Variants in ZFP57 observed in about 807,000 individuals in gnomAD.
The protein encoded by ZFP57 is ZFP57 zinc finger protein, also known as zinc finger protein 57 homolog.
ZFP57 carries 12 observed loss-of-function variants against 15.8 expected under a neutral mutation model. That is an observed-to-expected ratio of 0.76 (90% confidence interval 0.49 to 1.23). ZFP57 has a LOEUF of 1.23. Ranked by LOEUF, ZFP57 falls within the 50% of genes most tolerant of loss-of-function variation. The probability of loss-of-function intolerance (pLI) is 0.00; values close to 1 mark genes in which losing one functional copy is unlikely to be tolerated. For missense variants in ZFP57, 536 were observed against 654.9 expected, an observed-to-expected ratio of 0.82 and a Z score of 1.98; for synonymous variants, 203 against 242.3, an observed-to-expected ratio of 0.84 and a Z score of 1.51.
In ZFP57 at chr6:29,676,063, GA is replaced by G; in HGVS notation, c.124-5del. ...CATCCTCAAAGGTGACTGGCTTCTGGAAGAACAGGAGAGACTCAAGAAGTTT... is the reference window on the plus strand; with the variant it reads ...CATCCTCAAAGGTGACTGGCTTCTGGAGAACAGGAGAGACTCAAGAAGTTT... On this transcript the variant is annotated splice_polypyrimidine_tract_variant and splice_region_variant and intron_variant, in intron 2 of 4. Transcript: ENST00000376883. The G allele has an allele frequency of 6.3e-7, 1 of 1,598,534 alleles. No homozygotes were observed. Among genetic ancestry groups the G allele is most frequent in the Non-Finnish European group, 8.5e-7 (1 of 1,173,766 alleles).
chr6:29,675,374 G>A lies in ZFP57; in HGVS notation c.352+12C>T. 6.2e-7 allele frequency: 1 copy of A among 1,600,860 alleles called. No individual in the cohort carries two copies. The highest frequency in any genetic ancestry group is 8.6e-7 in the Non-Finnish European group (1 of 1,168,032). On this transcript the variant is annotated intron_variant, in intron 4 of 4. Transcript: ENST00000376883. Reference sequence around the variant, plus strand: ...GCCCTTTTCCCCTTCCTCCCTGCTTGGCAATTCTTACCTGAAAGGCCTTCT... The same window carrying A: ...GCCCTTTTCCCCTTCCTCCCTGCTTAGCAATTCTTACCTGAAAGGCCTTCT...
chr6:29,677,768 T>TACATACACACACACACACACACAC lies in ZFP57; in HGVS notation c.-363-403_-363-402insGTGTGTGTGTGTGTGTGTGTATGT, dbSNP rs71550149. ...AAGATCTCTTCCATGACCAAAATTA[T>TACATACACACACACACACACACAC]ACACACACACACACACACACACACA... On this transcript the variant is annotated intron_variant, in intron 1 of 4. Coordinates refer to ENST00000376883, the MANE Select transcript of ZFP57 (RefSeq NM_001109809.5). 1.1e-4 allele frequency among the ~76,000 whole-genome samples: 17 copies of TACATACACACACACACACACACAC among 149,632 alleles called. No individual in the cohort carries two copies. The South Asian group carries it at 1.9e-3, about 17-fold the overall frequency.
At chr6:29,674,675 T>C (rs760727046) in intron 4 of ZFP57, among the ~76,000 whole-genome samples, 10 of 152,156 alleles carry the variant, frequency 6.6e-5, no homozygotes, top group Non-Finnish European at 1.3e-4. Context: ...TTGATATCTC[T>C]CTCAACTATT....
Position 29,673,445 on chromosome 6 carries a change from T to C in ZFP57, c.666A>G (p.Arg222=). The part of the protein sequence containing the change: ...FRSPKSLSYH[R]RMHLGERPFC... Reference sequence around the variant, plus strand: ...AGGGCCTCTCCCCAAGATGCATGCGTCTGTGATAGCTGAGGGACTTGGGGC... The same window carrying C: ...AGGGCCTCTCCCCAAGATGCATGCGCCTGTGATAGCTGAGGGACTTGGGGC... The change falls in exon 5 of 5, where the codon AGA becomes AGG. Residue 222 remains arginine (R), a synonymous_variant. Coordinates refer to ENST00000376883, the MANE Select transcript of ZFP57 (RefSeq NM_001109809.5). The surrounding 1 kb of genome is among the most constrained non-coding windows in gnomAD (Gnocchi z 4.7). The C allele has an allele frequency of 2.5e-6, 4 of 1,613,090 alleles. No homozygotes were observed. Among genetic ancestry groups the C allele is most frequent in the Non-Finnish European group, 3.4e-6 (4 of 1,180,040 alleles).
Position 29,672,843 on chromosome 6 carries a change from G to A in ZFP57, c.1268C>T (p.Ser423Leu), listed in dbSNP as rs1771771887. 6.2e-7 allele frequency: 1 copy of A among 1,613,080 alleles called. No individual in the cohort carries two copies. Among genetic ancestry groups the A allele is most frequent in the Non-Finnish European group, 8.5e-7 (1 of 1,180,024 alleles). ...CTGGTGTCTGACCAGCCTGGAAAAT[G>A]AGCTGAAAGACTTGCTGCAATGGAA... ...YCFHCSKSFS[S>L]FSRLVRHQQT... is the part of the protein sequence containing the mutation. Residue 423 changes from serine (S) to leucine (L), a missense_variant, in exon 5 of 5, where the codon TCA becomes TTA. Physicochemically the swap from Ser to Leu is moderately radical, Grantham distance 145. Transcript: ENST00000376883.
In ZFP57 at chr6:29,676,972, A is replaced by G. The variant is rs1443735919; in HGVS notation, c.32T>C (p.Val11Ala). Reference protein sequence around the residue: MFEQLKPIEPVQKTLPWVGEV... With the variant: MFEQLKPIEPAQKTLPWVGEV... ...GCCCACCCATGGGAGCGTCTTCTGT[A>G]CAGGTTCGATTGGCTTCAGCTGTTC... Residue 11 changes from valine (V) to alanine (A), a missense_variant, in exon 2 of 5, where the codon GTA (valine) becomes GCA (alanine). Physicochemically the swap from Val to Ala is moderately conservative, Grantham distance 64. Coordinates refer to ENST00000376883, the MANE Select transcript of ZFP57 (RefSeq NM_001109809.5). The G allele has an allele frequency of 6.2e-7, 1 of 1,614,164 alleles. No individual in the cohort carries two copies. Among genetic ancestry groups the G allele is most frequent in the Non-Finnish European group, 8.5e-7 (1 of 1,180,014 alleles).
chr6:29,676,122 G>T, intron 2 of ZFP57, 63 bp from the exon 3 acceptor site: 1 of 1,486,788 alleles, frequency 6.7e-7, no homozygotes, highest in Non-Finnish European at 9.3e-7. Context: ...GTGTGTGTGT[G>T]TGTACAAGAT....
Position 29,673,771 on chromosome 6 carries a change from A to C in ZFP57, c.353-13T>G. On this transcript the variant is annotated splice_polypyrimidine_tract_variant and intron_variant, in intron 4 of 4. Transcript: ENST00000376883. This position sits in a 1 kb window ranked among gnomAD's most constrained non-coding sequence, Gnocchi z 4.7. ...TTCTTCTTGCCTTCTACAGTGAATGAGGAAGAATAACACAAAATTCACTGT... is the reference window on the plus strand; with the variant it reads ...TTCTTCTTGCCTTCTACAGTGAATGCGGAAGAATAACACAAAATTCACTGT... The C allele has an allele frequency of 6.2e-7, 1 of 1,612,812 alleles. No individual in the cohort carries two copies. Among genetic ancestry groups the C allele is most frequent in the South Asian group, 1.1e-5 (1 of 91,084 alleles).
chr6:29,680,147 C>A (rs1379171027), intron 1 of ZFP57, among the ~76,000 whole-genome samples: 1 of 152,072 alleles, frequency 6.6e-6, no homozygotes, highest in Non-Finnish European at 1.5e-5. Context: ...CTCATGCCGG[C>A]GGGAGGAGGA....
At position 29,673,562 on chromosome 6, in the gene ZFP57, A is replaced by G; in HGVS notation, c.549T>C (p.Cys183=). 6.2e-7 allele frequency: 1 copy of G among 1,613,006 alleles called. No individual in the cohort carries two copies. The highest frequency in any genetic ancestry group is 8.5e-7 in the Non-Finnish European group (1 of 1,180,032). ...PPFFCYTCGK[C]FSRRSYLYSH... ...TATAGAGGTAGGAGCGCCTGCTGAA[A>G]CATTTGCCACAGGTGTAGCAAAAAA... The change falls in exon 5 of 5, where the codon TGT becomes TGC. Residue 183 remains cysteine, a synonymous_variant. Coordinates refer to ENST00000376883, the MANE Select transcript of ZFP57 (RefSeq NM_001109809.5). This position sits in a 1 kb window ranked among gnomAD's most constrained non-coding sequence, Gnocchi z 4.7.
chr6:29,675,335 A>G, intron 4 of ZFP57, 51 bp downstream of exon 4: 1 of 1,312,510 alleles, frequency 7.6e-7, no homozygotes, highest in Non-Finnish European at 1.1e-6. Flanking sequence ...CCATCCTTTC[A>G]GGGGTTATCC....
At chr6:29,674,082 GA>G (rs1460489079) in intron 4 of ZFP57, among the ~76,000 whole-genome samples, 1 of 142,484 alleles carries the variant, frequency 7.0e-6, no homozygotes, top group East Asian at 2.1e-4. Flanking sequence ...CAACTAGAGT[GA>G]AACTCTGTCT....
chr6:29,679,549 C>A (rs956070859), intron 1 of ZFP57, among the ~76,000 whole-genome samples: 3 of 152,108 alleles, frequency 2.0e-5, no homozygotes, highest in Non-Finnish European at 2.9e-5. Context: ...ATGAGGCATG[C>A]AGATCTTGGA....
At chr6:29,675,551 G>T in intron 3 of ZFP57, 64 bp from the exon 4 acceptor site, 2 of 1,277,212 alleles carry the variant, frequency 1.6e-6, no homozygotes, top group Non-Finnish European at 2.3e-6. Flanking sequence ...CATCTGATGG[G>T]GACAACAGGC....
rs534295137 is a variant in ZFP57 at position 29,672,885 on chromosome 6, T to C, written c.1226A>G (p.Glu409Gly). Residue 409 changes from glutamate to glycine, a missense_variant, in exon 5 of 5, where the codon GAG becomes GGG. Glu to Gly is a moderately conservative substitution (Grantham distance 98). Coordinates refer to ENST00000376883, the MANE Select transcript of ZFP57 (RefSeq NM_001109809.5). ...GCAATGGAAGCAGTAGTTGGGCGGC[T>C]CTGTGAGGTGGGCCTTCTGGTGTCT... ...LSRHQKAHLTEPPNYCFHCSK... is the reference protein window; with the variant it reads ...LSRHQKAHLTGPPNYCFHCSK... 4.8e-5 allele frequency: 77 copies of C among 1,612,938 alleles called. No individual in the cohort carries two copies. The highest frequency in any genetic ancestry group is 6.2e-5 in the Non-Finnish European group (73 of 1,180,046).
At chr6:29,675,813 G>A in intron 3 of ZFP57, 120 bp downstream of exon 3, 1 of 1,291,698 alleles carries the variant, frequency 7.7e-7, no homozygotes, top group Non-Finnish European at 1.1e-6. Flanking sequence ...TTTCACACCT[G>A]GAAAGCATAG....
intron 1 of ZFP57, among the ~76,000 whole-genome samples, chr6:29,679,493 C>T (rs1422346945): frequency 6.6e-6 from 1 of 152,188 alleles, no homozygotes; most frequent in Non-Finnish European, 1.5e-5. Flanking sequence ...TCTTTCCTCT[C>T]TCTCCCTTTC....
chr6:29,676,774 T>G, intron 2 of ZFP57, 107 bp downstream of exon 2: 1 of 1,463,456 alleles, frequency 6.8e-7, no homozygotes. Flanking sequence ...TGTCGTTCAG[T>G]CTGGAACAAT....
At chr6:29,678,177 C>T (rs1396401806) in intron 1 of ZFP57, among the ~76,000 whole-genome samples, 2 of 152,328 alleles carry the variant, frequency 1.3e-5, no homozygotes, top group East Asian at 3.9e-4. Flanking sequence ...GCACTCCAGC[C>T]TGGGACATAG....
Sources: gnomAD v4.1 joint callset for allele counts (sites outside exome capture counted in the v4.1 genomes callset) on GRCh38, gnomAD v4.1.1 for gene constraint, Gnocchi (gnomAD v3.1) non-coding constraint, MANE v1.5 for transcripts, NCBI Gene and HGNC (gene_info 2026-07-23, HGNC 2026-07-21) for gene names.